RBM6: variants seen among roughly 807,000 people sequenced by gnomAD.
RBM6 encodes RNA binding motif protein 6, also known as RNA-binding protein 6.
In RBM6, 23 loss-of-function variants were observed where a neutral mutation model predicts 140.4. That is an observed-to-expected ratio of 0.16 (90% CI 0.12 to 0.23). The LOEUF (loss-of-function observed/expected upper bound fraction) is 0.23, where lower values mean the gene tolerates loss of function less well. Among genes scored for constraint, RBM6 ranks in the 10% least tolerant of loss-of-function variants. RBM6 has a pLI of 1.00. For synonymous variants in RBM6, 439 were observed against 475.6 expected, an observed-to-expected ratio of 0.92 and a Z score of 1.00; for missense variants, 1,139 against 1,386.7, an observed-to-expected ratio of 0.82 and a Z score of 2.84.
intron 1 of RBM6, among the ~76,000 whole-genome samples, chr3:49,960,743 C>T (rs917245883): frequency 3.9e-5 from 6 of 152,098 alleles, no homozygotes; most frequent in African/African-American, 1.2e-4. Flanking sequence ...TCCGATTGCT[C>T]ATGCTGGATG....
At chr3:49,980,371 A>G (rs977997789) in intron 5 of RBM6, among the ~76,000 whole-genome samples, 2 of 152,172 alleles carry the variant, frequency 1.3e-5, no homozygotes, top group Non-Finnish European at 2.9e-5. Flanking sequence ...TGATGTATGC[A>G]GCTTTCTCTC....
intron 5 of RBM6, 148 bp from the exon 6 acceptor site, chr3:49,999,292 G>T (rs2086219914): frequency 1.6e-6 from 1 of 635,176 alleles, no homozygotes; most frequent in South Asian, 2.1e-5. Flanking sequence ...TTTCTATTTG[G>T]GGTAGCAACT....
intron 18 of RBM6, among the ~76,000 whole-genome samples, chr3:50,069,683 C>T (rs1043588340): frequency 1.3e-5 from 2 of 152,060 alleles, no homozygotes; most frequent in African/African-American, 4.8e-5. Flanking sequence ...GAGTAAGTCC[C>T]TGTCTCAAAA....
At chr3:49,964,520 T>C (rs1282002666) in intron 2 of RBM6, among the ~76,000 whole-genome samples, 4 of 152,232 alleles carry the variant, frequency 2.6e-5, no homozygotes, top group African/African-American at 4.8e-5. Flanking sequence ...TCTTACTCAT[T>C]TGCAGATTGT....
At chr3:49,943,980 A>G (rs1470347589) in intron 1 of RBM6, among the ~76,000 whole-genome samples, 1 of 152,118 alleles carries the variant, frequency 6.6e-6, no homozygotes, top group Non-Finnish European at 1.5e-5. Context: ...GTGAAGTGGT[A>G]TCTCGTTGTG....
At chr3:49,994,960 A>G (rs2086015094) in intron 5 of RBM6, among the ~76,000 whole-genome samples, 1 of 152,176 alleles carries the variant, frequency 6.6e-6, no homozygotes, top group African/African-American at 2.4e-5. Flanking sequence ...CCTTATAATT[A>G]TTATGAAAAT....
chr3:50,029,343 A>G (rs973044229), intron 6 of RBM6, among the ~76,000 whole-genome samples: 2 of 152,190 alleles, frequency 1.3e-5, no homozygotes, highest in African/African-American at 4.8e-5. Flanking sequence ...TCAGGTTTGA[A>G]AGAGTTTAAA....
At position 49,979,960 on chromosome 3, in the gene RBM6, C is replaced by T. The variant is rs117383145; in HGVS notation, c.1483+4568C>T. 1.3e-3 allele frequency among the ~76,000 whole-genome samples: 199 copies of T among 151,628 alleles called. 6 individuals are homozygous for T. The East Asian group carries it at 0.036, about 28-fold the overall frequency. The stretch of plus-strand genomic sequence containing the variant: ...GATGATGTATCAATGTTAAATTCCC[C>T]GAGTTGATAACTACTGTGGTTATGT... On this transcript the variant is annotated intron_variant, in intron 5 of 20. Transcript: ENST00000266022.
chr3:49,956,751 C>T (rs182851673), intron 1 of RBM6, among the ~76,000 whole-genome samples: 6 of 152,114 alleles, frequency 3.9e-5, no homozygotes, highest in East Asian at 1.9e-4. Flanking sequence ...CCGCAGCCTC[C>T]GCCTCCTGGG....
chr3:50,035,848 C>T (rs1202293392), intron 6 of RBM6, among the ~76,000 whole-genome samples: 1 of 151,986 alleles, frequency 6.6e-6, no homozygotes, highest in Non-Finnish European at 1.5e-5. Context: ...GCAACCTCCC[C>T]TCCCAGGTTC....
intron 5 of RBM6, among the ~76,000 whole-genome samples, chr3:49,984,139 C>CA (rs956097297): frequency 6.6e-6 from 1 of 151,644 alleles, no homozygotes; most frequent in African/African-American, 2.4e-5. Context: ...AAAAAAAATA[C>CA]AAAAAAAATT....
chr3:50,054,303 T>A lies in RBM6; in HGVS notation c.1633-32T>A. On this transcript the variant is annotated intron_variant, in intron 7 of 20. Transcript: ENST00000266022. The stretch of plus-strand genomic sequence containing the variant: ...TATACATAAGATTTTTAAAAATGTT[T>A]TCAGTCAAATTGATTTCCTTCTTCC... The A allele has an allele frequency of 2.6e-6, 4 of 1,560,960 alleles. No individual in the cohort carries two copies. In the South Asian group the frequency reaches 4.5e-5, roughly 18 times the overall value.
At chr3:49,995,433 C>T (rs1407260545) in intron 5 of RBM6, among the ~76,000 whole-genome samples, 1 of 151,750 alleles carries the variant, frequency 6.6e-6, no homozygotes, top group Non-Finnish European at 1.5e-5. Flanking sequence ...GTCCCAGCTA[C>T]TGCAGGTACC....
At chr3:50,062,237 G>A in intron 15 of RBM6, 129 bp downstream of exon 15, 1 of 1,108,306 alleles carries the variant, frequency 9.0e-7, no homozygotes, top group South Asian at 1.7e-5. Flanking sequence ...GGGCGTGGTG[G>A]CTAACGCCTG....
chr3:49,992,981 T>C (rs558017084), intron 5 of RBM6, among the ~76,000 whole-genome samples: 1 of 152,362 alleles, frequency 6.6e-6, no homozygotes, highest in Non-Finnish European at 1.5e-5. Context: ...TGTTTTTAAG[T>C]GAACAAAAGT....
At chr3:49,968,776 T>C (rs2084632898) in intron 3 of RBM6, 28 bp downstream of exon 3, 5 of 875,712 alleles carry the variant, frequency 5.7e-6, no homozygotes, top group Non-Finnish European at 8.0e-6. Flanking sequence ...ATTGCTTTTT[T>C]TTTTTTTTTT....
intron 6 of RBM6, among the ~76,000 whole-genome samples, chr3:50,003,472 G>A (rs2086438623): frequency 6.6e-6 from 1 of 152,112 alleles, no homozygotes. Context: ...AGTACTTTGA[G>A]TTTTTTTGTA....
chr3:50,021,653 TAAAC>T (rs1559596365), intron 6 of RBM6, among the ~76,000 whole-genome samples: 1 of 138,724 alleles, frequency 7.2e-6, no homozygotes, highest in East Asian at 2.4e-4. Context: ...AATAAATAAA[TAAAC>T]AAATAAAATA....
chr3:50,038,077 C>G (rs1339940442), intron 6 of RBM6, among the ~76,000 whole-genome samples: 2 of 152,128 alleles, frequency 1.3e-5, no homozygotes, highest in Non-Finnish European at 2.9e-5. Flanking sequence ...CCGCCTCAGC[C>G]TCCCAAAGTG....
Sources: allele counts gnomAD v4.1 joint callset (sites outside exome capture counted in the v4.1 genomes callset), GRCh38; gene constraint gnomAD v4.1.1; transcripts MANE v1.5; gene names NCBI Gene and HGNC (gene_info 2026-07-23, HGNC 2026-07-21).